ALKBH1: variants seen among roughly 807,000 people sequenced by gnomAD.
ALKBH1 encodes the protein nucleic acid dioxygenase ALKBH1.
A neutral mutation model predicts 36.6 loss-of-function variants in ALKBH1; 31 were observed. That is an observed-to-expected ratio of 0.85 (90% CI 0.64 to 1.14). ALKBH1 has a LOEUF of 1.14. Among genes scored for constraint, ALKBH1 ranks in the 50% most tolerant of loss-of-function variants. The pLI, the probability that ALKBH1 is intolerant of heterozygous loss-of-function variation, is 0.00. For missense variants in ALKBH1, 490 were observed against 497.3 expected (o/e 0.99, Z 0.14); for synonymous variants, 183 against 186.6 (o/e 0.98, Z 0.16).
chr14:77,675,812 T>A lies in ALKBH1; in HGVS notation c.584A>T (p.Asp195Val). The change falls in exon 5 of 6, where the codon GAC (aspartate) becomes GTC (valine). Residue 195 changes from aspartate (D) to valine (V), a missense_variant. Transcript: ENST00000216489. ...SADHYTPFPS[D>V]LGFLSEQVAA... ...TACTTGCTCTGAGAGGAAACCCAGG[T>A]CAGAAGGGAAAGGTGTGTAATGATC... The A allele has an allele frequency of 6.2e-7, 1 of 1,613,870 alleles. No homozygotes were observed. Among genetic ancestry groups the A allele is most frequent in the Non-Finnish European group, 8.5e-7 (1 of 1,179,888 alleles).
At chr14:77,689,278 C>T (rs1421509938) in intron 3 of ALKBH1, among the ~76,000 whole-genome samples, 1 of 152,192 alleles carries the variant, frequency 6.6e-6, no homozygotes, top group Non-Finnish European at 1.5e-5. Flanking sequence ...CACCTTGCAA[C>T]TTCTATTCAA....
intron 3 of ALKBH1, chr14:77,683,904 A>C (rs533680080): frequency 6.5e-6 from 1 of 153,650 alleles, no homozygotes; most frequent in Non-Finnish European, 1.5e-5. Context: ...ATGCGCATAT[A>C]CATGGCCAAA....
In ALKBH1 at chr14:77,673,748, A is replaced by G. The variant is rs2139840816; in HGVS notation, c.*64T>C. On this transcript the variant is annotated 3_prime_UTR_variant, in exon 6 of 6. Coordinates refer to ENST00000216489, the MANE Select transcript of ALKBH1 (RefSeq NM_006020.3). ...TCTGGGTGCTGAAGTCCACGGCAAT[A>G]CACAATAACATGATCATTTACGGTA... is the stretch of plus-strand genomic sequence containing the variant. 1 of 1,514,482 alleles carries G rather than the reference A, an allele frequency of 6.6e-7. No homozygotes were observed. The highest frequency in any genetic ancestry group is 1.3e-5 in the South Asian group (1 of 78,778). 93.8% of individuals were successfully genotyped at this position (1,514,482 alleles called of 1,614,324 possible). A position where few individuals can be genotyped will look rare whatever the true frequency, so the allele number is the denominator to read the frequency against.
At chr14:77,692,733 C>T (rs942030921) in intron 3 of ALKBH1, among the ~76,000 whole-genome samples, 1 of 152,100 alleles carries the variant, frequency 6.6e-6, no homozygotes, top group African/African-American at 2.4e-5. Flanking sequence ...TACCTCCAGC[C>T]TAGCTACTTA....
rs1428458159 is a variant in ALKBH1 at position 77,672,979 on chromosome 14, CA to C, written c.*832del. On this transcript the variant is annotated 3_prime_UTR_variant, in exon 6 of 6. Coordinates refer to ENST00000216489, the MANE Select transcript of ALKBH1 (RefSeq NM_006020.3). The stretch of plus-strand genomic sequence containing the variant: ...GGCTTCAATAGCATGAACAATACAG[CA>C]AAGAAAAACAGAAAAAAAAACCTTA... The C allele has an allele frequency of 2.0e-5, 3 of 151,588 alleles. No homozygotes were observed. Among genetic ancestry groups the C allele is most frequent in the Non-Finnish European group, 2.9e-5 (2 of 67,912 alleles). 9.4% of individuals were successfully genotyped at this position (151,588 alleles called of 1,614,324 possible).
At chr14:77,679,673 C>T (rs995156788) in intron 4 of ALKBH1, among the ~76,000 whole-genome samples, 3 of 152,096 alleles carry the variant, frequency 2.0e-5, no homozygotes, top group East Asian at 1.9e-4. Context: ...TTAAGTGATC[C>T]GCCCACCTCA....
At chr14:77,681,628 A>G (rs2080238678) in intron 3 of ALKBH1, among the ~76,000 whole-genome samples, 2 of 152,256 alleles carry the variant, frequency 1.3e-5, no homozygotes, top group South Asian at 2.1e-4. Flanking sequence ...GAGACATAGC[A>G]GACTTGACTG....
intron 4 of ALKBH1, among the ~76,000 whole-genome samples, chr14:77,677,196 T>C (rs1352313547): frequency 6.6e-6 from 1 of 152,136 alleles, no homozygotes; most frequent in African/African-American, 2.4e-5. Context: ...CCTGCCACCA[T>C]GCCTGGCTAA....
intron 4 of ALKBH1, among the ~76,000 whole-genome samples, chr14:77,676,927 C>T (rs1345701768): frequency 6.6e-6 from 1 of 152,028 alleles, no homozygotes; most frequent in Admixed American, 6.6e-5. Flanking sequence ...CAAGATAGGC[C>T]TTTAAATTGG....
chr14:77,686,378 T>C (rs756626367), intron 3 of ALKBH1, among the ~76,000 whole-genome samples: 2 of 152,204 alleles, frequency 1.3e-5, no homozygotes, highest in Admixed American at 6.5e-5. Flanking sequence ...AGGAAATACG[T>C]TGGCACCTAA....
chr14:77,681,788 C>A (rs1279049565), intron 3 of ALKBH1, among the ~76,000 whole-genome samples: 1 of 152,222 alleles, frequency 6.6e-6, no homozygotes, highest in Non-Finnish European at 1.5e-5. Flanking sequence ...TGGCATGTGT[C>A]AGGCAGAGGC....
chr14:77,699,064 C>T (rs369618353), intron 2 of ALKBH1, among the ~76,000 whole-genome samples: 3 of 152,252 alleles, frequency 2.0e-5, no homozygotes, highest in Non-Finnish European at 2.9e-5. Context: ...TGAGCCACTG[C>T]GCTTGCCCTT....
rs925775199 is a variant in ALKBH1, at chr14:77,686,605, C to T, written c.456-6635G>A. Among the ~76,000 whole-genome samples, 6 of 152,096 alleles carry T rather than the reference C, an allele frequency of 3.9e-5. No individual in the cohort carries two copies. The South Asian group carries it at 8.3e-4, about 21-fold the overall frequency. On this transcript the variant is annotated intron_variant, in intron 3 of 5. Transcript: ENST00000216489. ...GTCATGGGTAAGCGCCTTATGTAAG[C>T]GTTGGCATTTCTCTTAGCAATTGTT...
chr14:77,682,266 G>A (rs1466323637), intron 3 of ALKBH1, among the ~76,000 whole-genome samples: 1 of 152,142 alleles, frequency 6.6e-6, no homozygotes, highest in Non-Finnish European at 1.5e-5. Context: ...GTCTACCAAT[G>A]TTTATTCAGC....
At position 77,704,368 on chromosome 14, in the gene ALKBH1, C is replaced by CCAGG; in HGVS notation, c.289_292dup (p.Gly98AlafsTer24). 6.2e-7 allele frequency: 1 copy of CCAGG among 1,610,618 alleles called. No homozygotes were observed. Among genetic ancestry groups the CCAGG allele is most frequent in the Non-Finnish European group, 8.5e-7 (1 of 1,176,812 alleles). ...CCTTCTCTGAGGTCAGTTACACTCACCAGGATAGCCTTTGAGTCCATAGGC... is the reference window on the plus strand; with the variant it reads ...CCTTCTCTGAGGTCAGTTACACTCACCAGGCAGGATAGCCTTTGAGTCCATAGGC... On this transcript the variant is annotated frameshift_variant and splice_region_variant. Coordinates refer to ENST00000216489, the MANE Select transcript of ALKBH1 (RefSeq NM_006020.3). LOFTEE classifies it high-confidence loss of function.
chr14:77,706,378 G>A (rs2080390823), intron 1 of ALKBH1, among the ~76,000 whole-genome samples: 1 of 152,144 alleles, frequency 6.6e-6, no homozygotes, highest in African/African-American at 2.4e-5. Context: ...CACTCTCAGA[G>A]GTGATGTTAG....
At chr14:77,707,776 G>A in intron 1 of ALKBH1, 46 bp downstream of exon 1, 1 of 1,542,696 alleles carries the variant, frequency 6.5e-7, no homozygotes, top group Non-Finnish European at 8.8e-7. Context: ...CCTCCAAGAC[G>A]CGGGGCAAAG....
chr14:77,707,914 G>A lies in ALKBH1; in HGVS notation c.91C>T (p.Arg31Cys), dbSNP rs748355701. The A allele has an allele frequency of 1.9e-6, 3 of 1,613,250 alleles. No homozygotes were observed. The highest frequency in any genetic ancestry group is 1.1e-5 in the South Asian group (1 of 91,078). ...TCTGCGGTCCCGGGCCGGCTCTGAC[G>A]GTAGAAGCGGAAAAGTTTCCGAAAG... ...DAFRKLFRFY[R>C]QSRPGTADLE... is the part of the protein sequence containing the mutation. The change falls in exon 1 of 6, where the codon CGT (arginine) becomes TGT (cysteine). Residue 31 changes from arginine (R) to cysteine (C), a missense_variant. Transcript: ENST00000216489.
chr14:77,685,674 GA>G (rs1229062678), intron 3 of ALKBH1, among the ~76,000 whole-genome samples: 6 of 151,338 alleles, frequency 4.0e-5, no homozygotes, highest in Non-Finnish European at 7.4e-5. Flanking sequence ...AGCTACTCGG[GA>G]GGCTGAGGCA....
Sources: gnomAD v4.1 joint callset for allele counts (sites outside exome capture counted in the v4.1 genomes callset) on GRCh38, gnomAD v4.1.1 for gene constraint, MANE v1.5 for transcripts, NCBI Gene and HGNC (gene_info 2026-07-23, HGNC 2026-07-21) for gene names.